The following CAMTA1 variants were observed in gnomAD, a reference collection of about 807,000 sequenced individuals.
CAMTA1 encodes the protein calmodulin-binding transcription activator 1.
Under a neutral mutation model 170.9 loss-of-function variants are expected in CAMTA1, and 27 were observed. That is an observed-to-expected ratio of 0.16 (90% confidence interval 0.12 to 0.22). The LOEUF (loss-of-function observed/expected upper bound fraction) is 0.22. Ranked by LOEUF, CAMTA1 falls within the 10% of genes least tolerant of loss-of-function variation. CAMTA1 has a pLI of 1.00. For synonymous variants in CAMTA1, 833 were observed against 891.5 expected (o/e 0.93, Z 1.17); for missense variants, 1,619 against 2,217.2 (o/e 0.73, Z 5.42).
chr1:7,533,634 C>T (rs987134254), intron 6 of CAMTA1, among the ~76,000 whole-genome samples: 1 of 152,114 alleles, frequency 6.6e-6, no homozygotes, highest in African/African-American at 2.4e-5. Context: ...AAACGTCGGC[C>T]GGGCACGGTG....
At chr1:6,807,061 A>G in intron 1 of CAMTA1, 1 of 664,410 alleles carries the variant, frequency 1.5e-6, no homozygotes, top group Non-Finnish European at 2.8e-6. Flanking sequence ...GCCATATGAA[A>G]TTTCAGCTGG....
chr1:7,423,644 G>A (rs1176094680), intron 5 of CAMTA1, among the ~76,000 whole-genome samples: 1 of 151,970 alleles, frequency 6.6e-6, no homozygotes, highest in Non-Finnish European at 1.5e-5. Flanking sequence ...AATTCCACAA[G>A]GGTCAAACTG....
At chr1:7,206,131 G>T (rs752681916) in intron 4 of CAMTA1, among the ~76,000 whole-genome samples, 2 of 152,062 alleles carry the variant, frequency 1.3e-5, no homozygotes, top group Non-Finnish European at 2.9e-5. Flanking sequence ...GTCTGGTAGG[G>T]CTTATGTTCC....
chr1:7,573,997 C>G (rs1576162423), intron 6 of CAMTA1, among the ~76,000 whole-genome samples: 1 of 140,782 alleles, frequency 7.1e-6, no homozygotes, highest in Non-Finnish European at 1.5e-5. Flanking sequence ...TGTTCTCAAA[C>G]TCCTGACCTC....
At chr1:6,915,145 A>C (rs1217936446) in intron 3 of CAMTA1, among the ~76,000 whole-genome samples, 1 of 152,244 alleles carries the variant, frequency 6.6e-6, no homozygotes, top group Non-Finnish European at 1.5e-5. Context: ...CTTTAATGGA[A>C]GCTTTTAAAA....
intron 4 of CAMTA1, among the ~76,000 whole-genome samples, chr1:7,159,720 A>AT (rs969492087): frequency 1.3e-5 from 2 of 151,674 alleles, no homozygotes; most frequent in South Asian, 2.1e-4. Context: ...ATTAAAAAAA[A>AT]TTTTTTTTGT....
chr1:7,496,142 C>T (rs2093823339), intron 6 of CAMTA1, among the ~76,000 whole-genome samples: 1 of 152,224 alleles, frequency 6.6e-6, no homozygotes, highest in African/African-American at 2.4e-5. Flanking sequence ...CCATCCTCTC[C>T]CCGGGCTGCC....
Position 7,737,313 on chromosome 1 carries a change from G to A in CAMTA1, c.3401G>A (p.Arg1134His), listed in dbSNP as rs370253741. Residue 1134 changes from arginine (R) to histidine (H), a missense_variant, in exon 15 of 23, where the codon CGT becomes CAT. Physicochemically the swap from Arg to His is conservative, Grantham distance 29. Transcript: ENST00000303635. ...EAAVVLYKWD[R>H]RAISIPDSLG... ...GCCGTCGTGCTGTACAAGTGGGACC[G>A]TCGGGCCATCTCGATTCCCGACTCT... 31 of 1,614,084 alleles carry A rather than the reference G, an allele frequency of 1.9e-5. No homozygotes were observed. The highest frequency in any genetic ancestry group is 8.0e-5 in the African/African-American group (6 of 74,936).
intron 3 of CAMTA1, among the ~76,000 whole-genome samples, chr1:6,895,653 C>G (rs1675478109): frequency 6.6e-6 from 1 of 152,212 alleles, no homozygotes. Flanking sequence ...ACGGGGAATC[C>G]ATCAAACATG....
chr1:7,339,750 C>G (rs1385092707), intron 5 of CAMTA1, among the ~76,000 whole-genome samples: 1 of 152,084 alleles, frequency 6.6e-6, no homozygotes, highest in Non-Finnish European at 1.5e-5. Context: ...GTGTGCACCA[C>G]CATGCCCGGC....
chr1:6,928,543 T>G (rs1013851384), intron 3 of CAMTA1, among the ~76,000 whole-genome samples: 1 of 151,670 alleles, frequency 6.6e-6, no homozygotes, highest in Admixed American at 6.6e-5. Context: ...CCACCCTAAC[T>G]CTCCCCTGGG....
chr1:7,354,527 G>T (rs1367086645), intron 5 of CAMTA1, among the ~76,000 whole-genome samples: 1 of 152,206 alleles, frequency 6.6e-6, no homozygotes, highest in Non-Finnish European at 1.5e-5. Context: ...GCATAATGCT[G>T]CAATGAACAT....
At chr1:7,747,490 C>T (rs1348740213) in intron 18 of CAMTA1, among the ~76,000 whole-genome samples, 2 of 152,196 alleles carry the variant, frequency 1.3e-5, no homozygotes, top group Non-Finnish European at 2.9e-5. Context: ...TATTTTTAGT[C>T]TGCTTAACAT....
chr1:7,509,613 G>A (rs1228531972), intron 6 of CAMTA1, among the ~76,000 whole-genome samples: 5 of 152,150 alleles, frequency 3.3e-5, no homozygotes, highest in African/African-American at 1.2e-4. Flanking sequence ...TGTATTTTAG[G>A]TGGTGTCAGA....
rs58289154 is a variant in CAMTA1, at chr1:7,222,724, C to T, written c.303-26767C>T. Among the ~76,000 whole-genome samples the T allele has an allele frequency of 2.6e-3, 402 of 152,356 alleles. 2 individuals are homozygous for T. The highest frequency in any genetic ancestry group is 9.4e-3 in the African/African-American group (391 of 41,590). ...TCTTTCCTGATGGCAACGGTCCCAC[C>T]TGATGGCAATGGTCCCTGGGCCAGA... On this transcript the variant is annotated intron_variant, in intron 4 of 22. Coordinates refer to ENST00000303635, the MANE Select transcript of CAMTA1 (RefSeq NM_015215.4).
intron 4 of CAMTA1, among the ~76,000 whole-genome samples, chr1:7,104,511 A>G (rs994883551): frequency 4.6e-5 from 7 of 152,206 alleles, no homozygotes; most frequent in African/African-American, 1.7e-4. Flanking sequence ...CTGAGTGTGG[A>G]GAGCCAGAGG....
chr1:7,395,614 T>A (rs930103103), intron 5 of CAMTA1, among the ~76,000 whole-genome samples: 1 of 152,246 alleles, frequency 6.6e-6, no homozygotes, highest in African/African-American at 2.4e-5. Flanking sequence ...ATGAACAATG[T>A]TATTGGTATT....
At chr1:7,468,371 A>G (rs1158288059) in intron 6 of CAMTA1, among the ~76,000 whole-genome samples, 1 of 152,170 alleles carries the variant, frequency 6.6e-6, no homozygotes, top group African/African-American at 2.4e-5. Flanking sequence ...GAGCTCCGTA[A>G]TCGATTTGTG....
At chr1:7,285,005 G>C (rs1003873823) in intron 5 of CAMTA1, among the ~76,000 whole-genome samples, 6 of 152,326 alleles carry the variant, frequency 3.9e-5, no homozygotes, top group Admixed American at 2.6e-4. Context: ...GAAACCCATT[G>C]GTTTCCAAGA....
Sources: gnomAD v4.1 joint callset for allele counts (sites outside exome capture counted in the v4.1 genomes callset) on GRCh38, gnomAD v4.1.1 for gene constraint, MANE v1.5 for transcripts, NCBI Gene and HGNC (gene_info 2026-07-23, HGNC 2026-07-21) for gene names.